GSDMA: variants seen among roughly 807,000 people sequenced by gnomAD.
The protein encoded by GSDMA is gasdermin A, also known as gasdermin-A.
GSDMA carries 55 observed loss-of-function variants against 54.3 expected under a neutral mutation model. The ratio of observed to expected loss-of-function variants is 1.01; its 90% CI spans 0.82 to 1.27. The LOEUF (loss-of-function observed/expected upper bound fraction) is 1.27. Ranked by LOEUF, GSDMA falls within the 50% of genes most tolerant of loss-of-function variation. The probability of loss-of-function intolerance (pLI) is 0.00; values close to 1 mark genes in which losing one functional copy is unlikely to be tolerated. For missense variants in GSDMA, 542 were observed against 542.6 expected, an observed-to-expected ratio of 1.00 and a Z score of 0.01; for synonymous variants, 211 against 224.7, an observed-to-expected ratio of 0.94 and a Z score of 0.54.
rs775254732 is a variant in GSDMA, at chr17:39,966,352, G to C, written c.307G>C (p.Gly103Arg). 1 of 1,613,952 alleles carries C rather than the reference G, an allele frequency of 6.2e-7. No homozygotes were observed. The highest frequency in any genetic ancestry group is 1.1e-5 in the South Asian group (1 of 91,074). The change falls in exon 3 of 12, where the codon GGA becomes CGA. Residue 103 changes from glycine to arginine, a missense_variant. By Grantham distance (125) the Gly-to-Arg change is moderately radical (BLOSUM62 -2). Transcript: ENST00000301659. ...VDVPKTVKVKGTAGLSQNSTL... is the reference protein window; with the variant it reads ...VDVPKTVKVKRTAGLSQNSTL... ...TGTACCAAAGACGGTGAAGGTGAAG[G>C]GAACGGCAGGGCTCTCGCAGAACAG...
At position 39,965,766 on chromosome 17, in the gene GSDMA, C is replaced by G; in HGVS notation, c.79C>G (p.Leu27Val). ...PRGDLTPLDSLIDFKRFHPFC... is the reference protein window; with the variant it reads ...PRGDLTPLDSVIDFKRFHPFC... Reference sequence around the variant, plus strand: ...AGGGGACCTGACACCACTTGACAGCCTCATCGACTTCAAGCGCTTCCATCC... The same window carrying G: ...AGGGGACCTGACACCACTTGACAGCGTCATCGACTTCAAGCGCTTCCATCC... The change falls in exon 2 of 12, where the codon CTC (leucine) becomes GTC (valine). Residue 27 changes from leucine (L) to valine (V), a missense_variant. By Grantham distance (32) the Leu-to-Val change is conservative (BLOSUM62 1). Transcript: ENST00000301659. 1 of 1,611,510 alleles carries G rather than the reference C, an allele frequency of 6.2e-7. No homozygotes were observed. Among genetic ancestry groups the G allele is most frequent in the Non-Finnish European group, 8.5e-7 (1 of 1,178,816 alleles).
Position 39,974,977 on chromosome 17 carries a change from C to A in GSDMA, c.984C>A (p.Ala328=). Reference sequence around the variant, plus strand: ...AAGATGTCCTGCTATCAAAGGAGGCCGTGGGCGCCATCCTCTATTTCGTTG... The same window carrying A: ...AAGATGTCCTGCTATCAAAGGAGGCAGTGGGCGCCATCCTCTATTTCGTTG... The part of the protein sequence containing the change: ...LPKDVLLSKE[A]VGAILYFVGA... Residue 328 remains alanine, a synonymous_variant, in exon 10 of 12, where the codon GCC becomes GCA. Transcript: ENST00000301659. 6.2e-7 allele frequency: 1 copy of A among 1,612,872 alleles called. No homozygotes were observed.
At chr17:39,965,042 C>A (rs1200620170) in intron 1 of GSDMA, among the ~76,000 whole-genome samples, 1 of 151,740 alleles carries the variant, frequency 6.6e-6, no homozygotes, top group Non-Finnish European at 1.5e-5. Flanking sequence ...ATCAATTAAG[C>A]CTTGGCGGTC....
intron 6 of GSDMA, 129 bp downstream of exon 6, chr17:39,972,305 C>G (rs1399904041): frequency 4.3e-6 from 3 of 695,936 alleles, no homozygotes; most frequent in Non-Finnish European, 7.4e-6. Context: ...TTTCCCAAGT[C>G]CCTAAGAATA....
At chr17:39,964,890 G>C (rs1887179652) in intron 1 of GSDMA, among the ~76,000 whole-genome samples, 1 of 152,146 alleles carries the variant, frequency 6.6e-6, no homozygotes, top group Non-Finnish European at 1.5e-5. Context: ...ACTTCGGGAG[G>C]CTGAGGTGGG....
chr17:39,975,545 C>T (rs1980166014), intron 10 of GSDMA, among the ~76,000 whole-genome samples: 1 of 152,108 alleles, frequency 6.6e-6, no homozygotes, highest in South Asian at 2.1e-4. Context: ...TTGAATAACC[C>T]TAGTTTTATC....
In GSDMA at chr17:39,970,658, A is replaced by AACAC. The variant is rs58338887; in HGVS notation, c.558+34_558+37dup. The AACAC allele has an allele frequency of 3.0e-5, 41 of 1,353,962 alleles. No individual in the cohort carries two copies. The highest frequency in any genetic ancestry group is 2.4e-4 in the Admixed American group (8 of 32,672). The allele number at this position is 1,353,962 out of a possible 1,614,324, so 83.9% of individuals were successfully genotyped here. On this transcript the variant is annotated intron_variant, in intron 4 of 11. Coordinates refer to ENST00000301659, the MANE Select transcript of GSDMA (RefSeq NM_178171.5). Reference sequence around the variant, plus strand: ...CCATTGGGGCTACAGGTTTGATTCAAACACACACACACACACACACACACA... The same window carrying AACAC: ...CCATTGGGGCTACAGGTTTGATTCAAACACACACACACACACACACACACACACA...
intron 11 of GSDMA, among the ~76,000 whole-genome samples, chr17:39,976,258 G>A (rs993964048): frequency 6.7e-6 from 1 of 148,426 alleles, no homozygotes; most frequent in Non-Finnish European, 1.5e-5. Context: ...CTTATTCCTA[G>A]CCAAATATTG....
intron 5 of GSDMA, 28 bp from the exon 6 acceptor site, chr17:39,972,100 TC>T: frequency 2.4e-6 from 2 of 835,090 alleles, no homozygotes; most frequent in Middle Eastern, 3.3e-4. Flanking sequence ...CTAAGTGTCC[TC>T]CCACCCTCCC....
chr17:39,976,052 G>C, intron 11 of GSDMA, 55 bp downstream of exon 11: 5 of 1,364,050 alleles, frequency 3.7e-6, no homozygotes, highest in Non-Finnish European at 2.0e-6. Flanking sequence ...GCAGCCAGTG[G>C]AGATGCAGAT....
intron 1 of GSDMA, 147 bp from the exon 2 acceptor site, chr17:39,965,536 G>C: frequency 1.6e-6 from 1 of 625,498 alleles, no homozygotes; most frequent in Non-Finnish European, 2.8e-6. Flanking sequence ...CTTTCCAGCT[G>C]TGACATGAGA....
Position 39,968,339 on chromosome 17 carries a change from CTTTTTT to C in GSDMA, c.392+1923_392+1928del, listed in dbSNP as rs60315845. ...ACAGGCGTGAGCCACTGAGCCCGGT[CTTTTTT>C]TTTTTTTTTTTTTTTTTTTTGAGAC... On this transcript the variant is annotated intron_variant, in intron 3 of 11. Transcript: ENST00000301659. Among the ~76,000 whole-genome samples the C allele has an allele frequency of 5.6e-4, 23 of 41,364 alleles. No homozygotes were observed. In the East Asian group the frequency reaches 6.9e-3, roughly 12 times the overall value. The allele number at this position is 41,364 out of a possible 152,430, so 27.1% of individuals were successfully genotyped here.
intron 7 of GSDMA, 88 bp from the exon 8 acceptor site, chr17:39,973,722 C>T: frequency 9.1e-7 from 1 of 1,098,318 alleles, no homozygotes; most frequent in Non-Finnish European, 1.4e-6. Flanking sequence ...GATGTATTTC[C>T]TCATCTTCCT....
intron 1 of GSDMA, among the ~76,000 whole-genome samples, chr17:39,964,924 G>C (rs762523917): frequency 1.5e-4 from 23 of 152,022 alleles, no homozygotes; most frequent in Non-Finnish European, 2.6e-4. Flanking sequence ...CCAGGAGTTT[G>C]AGACCAGCCT....
chr17:39,974,906 G>C lies in GSDMA; in HGVS notation c.913G>C (p.Gly305Arg). The change falls in exon 10 of 12, where the codon GGG (glycine) becomes CGG (arginine). Residue 305 changes from glycine (G) to arginine (R), a missense_variant. Gly to Arg is a moderately radical substitution (Grantham distance 125). Transcript: ENST00000301659. ...ELQDLELALE[G>R]ALDKGHEVTL... ...CGCCCACCTTCCCCCACAGCTTGAAGGGGCTCTAGACAAGGGACATGAAGT... is the reference window on the plus strand; with the variant it reads ...CGCCCACCTTCCCCCACAGCTTGAACGGGCTCTAGACAAGGGACATGAAGT... 1 of 1,599,982 alleles carries C rather than the reference G, an allele frequency of 6.3e-7. No individual in the cohort carries two copies. The highest frequency in any genetic ancestry group is 1.1e-5 in the South Asian group (1 of 90,082).
chr17:39,966,416 C>A lies in GSDMA; in HGVS notation c.371C>A (p.Ala124Asp), dbSNP rs770286527. ...CAGACACTCAGTGTGGCTCCCAAGG[C>A]CCTGGAGACCGTGCAGGAGAGGTGA... ...EVQTLSVAPK[A>D]LETVQERKLA... The change falls in exon 3 of 12, where the codon GCC (alanine) becomes GAC (aspartate). Residue 124 changes from alanine (A) to aspartate (D), a missense_variant. By Grantham distance (126) the Ala-to-Asp change is moderately radical. Coordinates refer to ENST00000301659, the MANE Select transcript of GSDMA (RefSeq NM_178171.5). 6.2e-7 allele frequency: 1 copy of A among 1,609,820 alleles called. No homozygotes were observed. Among genetic ancestry groups the A allele is most frequent in the Non-Finnish European group, 8.5e-7 (1 of 1,178,586 alleles).
chr17:39,977,188 T>G lies in GSDMA; in HGVS notation c.*130T>G. On this transcript the variant is annotated 3_prime_UTR_variant, in exon 12 of 12. Coordinates refer to ENST00000301659, the MANE Select transcript of GSDMA (RefSeq NM_178171.5). ...TGAAATCTCAGCTGGTCACCCATGATAACCAACTTCCACCTGCCCAACCAT... is the reference window on the plus strand; with the variant it reads ...TGAAATCTCAGCTGGTCACCCATGAGAACCAACTTCCACCTGCCCAACCAT... 2 of 1,134,424 alleles carry G rather than the reference T, an allele frequency of 1.8e-6. No individual in the cohort carries two copies. The highest frequency in any genetic ancestry group is 3.1e-5 in the African/African-American group (2 of 64,798). The allele number at this position is 1,134,424 out of a possible 1,614,324, so 70.3% of individuals were successfully genotyped here.
At chr17:39,969,600 G>A (rs1197104073) in intron 3 of GSDMA, among the ~76,000 whole-genome samples, 6 of 152,272 alleles carry the variant, frequency 3.9e-5, no homozygotes, top group South Asian at 2.1e-4. Context: ...CAGCAGGATC[G>A]AGTATTGCAC....
chr17:39,976,920 G>A lies in GSDMA; in HGVS notation c.1200G>A (p.Thr400=), dbSNP rs369154670. Residue 400 remains threonine, a synonymous_variant, in exon 12 of 12, where the codon ACG becomes ACA. Coordinates refer to ENST00000301659, the MANE Select transcript of GSDMA (RefSeq NM_178171.5). The part of the protein sequence containing the change: ...SSLGDEELTL[T]EALVGLSGLE... ...TTGGGGACGAGGAGCTGACCCTCACGGAGGCTCTAGTCGGGCTGAGTGGCC... is the reference window on the plus strand; with the variant it reads ...TTGGGGACGAGGAGCTGACCCTCACAGAGGCTCTAGTCGGGCTGAGTGGCC... 1.4e-5 allele frequency: 23 copies of A among 1,613,846 alleles called. No individual in the cohort carries two copies. Among genetic ancestry groups the A allele is most frequent in the African/African-American group, 5.3e-5 (4 of 74,900 alleles).
Sources: gnomAD v4.1 joint callset for allele counts (sites outside exome capture counted in the v4.1 genomes callset) on GRCh38, gnomAD v4.1.1 for gene constraint, MANE v1.5 for transcripts, NCBI Gene and HGNC (gene_info 2026-07-23, HGNC 2026-07-21) for gene names.